The following ZMAT4 variants were observed in gnomAD, a reference collection of about 807,000 sequenced individuals.
The protein encoded by ZMAT4 is zinc finger matrin-type 4, also known as zinc finger matrin-type protein 4.
In ZMAT4, 17 loss-of-function variants were observed where a neutral mutation model predicts 28.7. The ratio of observed to expected loss-of-function variants is 0.59; its 90% confidence interval spans 0.41 to 0.89. The LOEUF (loss-of-function observed/expected upper bound fraction) is 0.89, where lower values mean the gene tolerates loss of function less well. ZMAT4 is among the 40% of genes least tolerant of loss of function. The pLI, the probability that ZMAT4 is intolerant of heterozygous loss-of-function variation, is 0.00. For missense variants in ZMAT4, 240 were observed against 283.8 expected (o/e 0.85, Z 1.11); for synonymous variants, 117 against 109.2 (o/e 1.07, Z -0.44).
At chr8:40,715,097 C>T (rs1432757777) in intron 3 of ZMAT4, among the ~76,000 whole-genome samples, 1 of 150,360 alleles carries the variant, frequency 6.7e-6, no homozygotes, top group Admixed American at 6.6e-5. Context: ...CCAAGAAGAC[C>T]TCGCTATGGA....
chr8:40,807,683 T>C (rs1259681284), intron 2 of ZMAT4, among the ~76,000 whole-genome samples: 3 of 152,218 alleles, frequency 2.0e-5, no homozygotes, highest in African/African-American at 7.2e-5. Flanking sequence ...ACAGTAAATA[T>C]TATCTCATAT....
intron 3 of ZMAT4, among the ~76,000 whole-genome samples, chr8:40,701,351 C>T (rs1036018682): frequency 6.6e-6 from 1 of 152,012 alleles, no homozygotes; most frequent in Non-Finnish European, 1.5e-5. Context: ...AATAGAGGGG[C>T]TGTGAGGCCC....
chr8:40,738,294 G>T (rs1251719956), intron 3 of ZMAT4, among the ~76,000 whole-genome samples: 2 of 152,134 alleles, frequency 1.3e-5, no homozygotes, highest in African/African-American at 4.8e-5. Flanking sequence ...ACTCTGCTTT[G>T]TTTGGGAAGC....
intron 1 of ZMAT4, among the ~76,000 whole-genome samples, chr8:40,837,815 C>T (rs937708551): frequency 1.3e-5 from 2 of 152,176 alleles, no homozygotes; most frequent in Admixed American, 6.5e-5. Flanking sequence ...TCCTGGTACA[C>T]GGGCTGGGAG....
intron 2 of ZMAT4, among the ~76,000 whole-genome samples, chr8:40,821,191 A>G (rs543689885): frequency 3.9e-5 from 6 of 152,166 alleles, no homozygotes; most frequent in Admixed American, 1.3e-4. Context: ...CTTCATTCAT[A>G]CAAGCAACTC....
intron 5 of ZMAT4, among the ~76,000 whole-genome samples, chr8:40,640,765 G>A (rs1806986736): frequency 6.6e-6 from 1 of 151,966 alleles, no homozygotes; most frequent in Non-Finnish European, 1.5e-5. Flanking sequence ...TTCAAGAGCA[G>A]CCTAGCCAAC....
At chr8:40,715,333 C>G (rs1397764329) in intron 3 of ZMAT4, among the ~76,000 whole-genome samples, 1 of 152,048 alleles carries the variant, frequency 6.6e-6, no homozygotes, top group Non-Finnish European at 1.5e-5. Flanking sequence ...ATTATAAAGA[C>G]ATAGCTGGTA....
chr8:40,663,692 CA>C (rs993354365), intron 5 of ZMAT4, among the ~76,000 whole-genome samples: 1 of 152,100 alleles, frequency 6.6e-6, no homozygotes, highest in African/African-American at 2.4e-5. Flanking sequence ...GCTGAGGTGT[CA>C]AAACACATTA....
At chr8:40,854,820 T>A (rs999921440) in intron 1 of ZMAT4, among the ~76,000 whole-genome samples, 9 of 152,056 alleles carry the variant, frequency 5.9e-5, no homozygotes, top group African/African-American at 2.2e-4. Context: ...AATTTCTGCA[T>A]TTGGAAAAGA....
At chr8:40,630,256 T>A (rs1486115521) in intron 5 of ZMAT4, among the ~76,000 whole-genome samples, 3 of 152,186 alleles carry the variant, frequency 2.0e-5, no homozygotes, top group Non-Finnish European at 2.9e-5. Context: ...TTTGTATACT[T>A]CAAATGTCTC....
At chr8:40,785,572 A>G (rs529365338) in intron 2 of ZMAT4, among the ~76,000 whole-genome samples, 2 of 152,166 alleles carry the variant, frequency 1.3e-5, no homozygotes, top group Non-Finnish European at 2.9e-5. Context: ...TCTCAAACAC[A>G]TGGTCAGGAT....
In ZMAT4 at chr8:40,609,482, G is replaced by GTTT. The variant is rs1299229382; in HGVS notation, c.578-28224_578-28222dup. The stretch of plus-strand genomic sequence containing the variant: ...TGAGCATCCTGAGGGCTGGCAGTAT[G>GTTT]TTTTTCTGGATAGCAACATGCTGAC... On this transcript the variant is annotated intron_variant, in intron 5 of 6. Transcript: ENST00000297737. Among the ~76,000 whole-genome samples the GTTT allele has an allele frequency of 2.6e-5, 4 of 152,200 alleles. No individual in the cohort carries two copies. In the East Asian group the frequency reaches 5.8e-4, roughly 22 times the overall value.
chr8:40,708,278 CG>C (rs1810448745), intron 3 of ZMAT4, among the ~76,000 whole-genome samples: 1 of 152,144 alleles, frequency 6.6e-6, no homozygotes. Context: ...GCATCAGGAG[CG>C]CATGTCCCAT....
At chr8:40,709,827 C>T (rs923802182) in intron 3 of ZMAT4, among the ~76,000 whole-genome samples, 2 of 151,948 alleles carry the variant, frequency 1.3e-5, no homozygotes, top group Admixed American at 1.3e-4. Context: ...TCACGAGGTC[C>T]GGAGTTTGAG....
chr8:40,781,943 C>G (rs1813854173), intron 2 of ZMAT4, among the ~76,000 whole-genome samples: 1 of 151,972 alleles, frequency 6.6e-6, no homozygotes, highest in Admixed American at 6.6e-5. Flanking sequence ...GAAGTTAACT[C>G]AAAATGTATT....
chr8:40,679,450 G>A (rs530415111), intron 4 of ZMAT4, among the ~76,000 whole-genome samples: 291 of 152,252 alleles, frequency 1.9e-3, no homozygotes, highest in African/African-American at 6.8e-3. Flanking sequence ...CAGGGCTGGG[G>A]AGGCTTCAGG....
intron 5 of ZMAT4, among the ~76,000 whole-genome samples, chr8:40,619,641 G>A (rs1806129556): frequency 6.6e-6 from 1 of 152,212 alleles, no homozygotes; most frequent in Non-Finnish European, 1.5e-5. Context: ...GGTCCAAGTA[G>A]GCAGGCACTG....
rs895795928 is a variant in ZMAT4, at chr8:40,697,331, A to G, written c.263T>C (p.Val88Ala). ...GCCTTGATAATGGGAATCGGCCACC[A>G]CCGCTGAAGTGAATGACATGTTGCA... ...TLCNMSFTSA[V>A]VADSHYQGKI... The change falls in exon 4 of 7, where the codon GTG (valine) becomes GCG (alanine). Residue 88 changes from valine to alanine, a missense_variant. Coordinates refer to ENST00000297737, the MANE Select transcript of ZMAT4 (RefSeq NM_024645.3). 3 of 1,613,880 alleles carry G rather than the reference A, an allele frequency of 1.9e-6. No homozygotes were observed. In the Middle Eastern group the frequency reaches 5.0e-4, roughly 267 times the overall value.
At chr8:40,611,992 T>C (rs980070264) in intron 5 of ZMAT4, among the ~76,000 whole-genome samples, 1 of 152,168 alleles carries the variant, frequency 6.6e-6, no homozygotes, top group Non-Finnish European at 1.5e-5. Flanking sequence ...GCTGGAGTAG[T>C]CCAGCACATG....
Sources: allele counts gnomAD v4.1 joint callset (sites outside exome capture counted in the v4.1 genomes callset), GRCh38; gene constraint gnomAD v4.1.1; transcripts MANE v1.5; gene names NCBI Gene and HGNC (gene_info 2026-07-23, HGNC 2026-07-21).